Variants in PHF24 observed in about 807,000 individuals in gnomAD.
The protein encoded by PHF24 is Galpha inhibitory interacting protein.
A neutral mutation model predicts 42.6 loss-of-function variants in PHF24; 25 were observed. The ratio of observed to expected loss-of-function variants is 0.59; its 90% CI spans 0.43 to 0.82. PHF24 has a LOEUF of 0.82. Among genes scored for constraint, PHF24 ranks in the 40% least tolerant of loss-of-function variants. PHF24 has a pLI of 0.00. For synonymous variants in PHF24, 185 were observed against 204.8 expected (o/e 0.90, Z 0.83); for missense variants, 470 against 538.1 (o/e 0.87, Z 1.25).
chr9:34,723,938 C>T, the PHF24 span: 759,983 of 1,549,956 alleles, frequency 0.49, 193,176 homozygotes, highest in East Asian at 0.63. Flanking sequence ...ATGAAAGCTA[C>T]GGCTCCATCG....
the PHF24 span, among the ~76,000 whole-genome samples, chr9:34,735,133 C>CTTTTTTTTTTTTTTTTTTTT: frequency 8.9e-6 from 1 of 112,486 alleles, no homozygotes; most frequent in African/African-American, 3.2e-5. Flanking sequence ...TTTCTTTTTT[C>CTTTTTTTTTTTTTTTTTTTT]TTTTTTTTTT....
At chr9:34,789,484 C>T in the PHF24 span, among the ~76,000 whole-genome samples, 1 of 152,192 alleles carries the variant, frequency 6.6e-6, no homozygotes, top group Non-Finnish European at 1.5e-5. Context: ...GAGGGAGGAG[C>T]TACAGAAGCC....
At chr9:34,826,973 A>G in the PHF24 span, among the ~76,000 whole-genome samples, 1 of 152,200 alleles carries the variant, frequency 6.6e-6, no homozygotes, top group Non-Finnish European at 1.5e-5. Flanking sequence ...CACATAAGTC[A>G]TAGGCTATGA....
the PHF24 span, chr9:34,922,883 G>A: frequency 2.0e-5 from 32 of 1,565,110 alleles, no homozygotes; most frequent in Admixed American, 3.4e-5. Flanking sequence ...CAGCCTGCTC[G>A]GCCAGTTTGG....
the PHF24 span, among the ~76,000 whole-genome samples, chr9:34,678,718 C>T: frequency 6.6e-6 from 1 of 152,082 alleles, no homozygotes; most frequent in East Asian, 1.9e-4. Context: ...GCAACCTCCA[C>T]CTCCCGGGTT....
the PHF24 span, among the ~76,000 whole-genome samples, chr9:34,786,836 C>T: frequency 2.0e-5 from 3 of 152,154 alleles, no homozygotes; most frequent in Non-Finnish European, 2.9e-5. Flanking sequence ...CCGGTTGACT[C>T]GTTTTTTGGT....
chr9:34,672,015 AAT>A, the PHF24 span, among the ~76,000 whole-genome samples: 1 of 152,196 alleles, frequency 6.6e-6, no homozygotes, highest in Non-Finnish European at 1.5e-5. Flanking sequence ...CAGTTATGGT[AAT>A]AATTAACATT....
At chr9:34,881,077 A>C in the PHF24 span, among the ~76,000 whole-genome samples, 1 of 152,370 alleles carries the variant, frequency 6.6e-6, no homozygotes, top group Non-Finnish European at 1.5e-5. Flanking sequence ...ACTCAGCTAC[A>C]TGGAAACTGA....
At chr9:34,769,974 A>G in the PHF24 span, among the ~76,000 whole-genome samples, 1 of 152,198 alleles carries the variant, frequency 6.6e-6, no homozygotes, top group African/African-American at 2.4e-5. Context: ...TAGTAGAAGA[A>G]TACATGGAAT....
the PHF24 span, among the ~76,000 whole-genome samples, chr9:34,871,070 C>T: frequency 1.3e-5 from 2 of 152,196 alleles, no homozygotes; most frequent in South Asian, 2.1e-4. Context: ...CAGCAATGAA[C>T]GAGAGTGCCT....
the PHF24 span, among the ~76,000 whole-genome samples, chr9:34,941,624 C>G: frequency 6.6e-6 from 1 of 152,150 alleles, no homozygotes; most frequent in African/African-American, 2.4e-5. Flanking sequence ...TCTTACAGTT[C>G]TGGAGGCTGG....
chr9:34,729,898 G>A, the PHF24 span, among the ~76,000 whole-genome samples: 1 of 152,186 alleles, frequency 6.6e-6, no homozygotes, highest in Admixed American at 6.5e-5. Context: ...GCGGAGTCTG[G>A]TTATGGCTTG....
the PHF24 span, among the ~76,000 whole-genome samples, chr9:34,734,420 C>T: frequency 6.6e-6 from 1 of 152,076 alleles, no homozygotes; most frequent in Admixed American, 6.6e-5. Flanking sequence ...GTGTGAGAGT[C>T]CTGAAAAAAT....
At chr9:34,835,269 A>G in the PHF24 span, 327 of 1,534,642 alleles carry the variant, frequency 2.1e-4, no homozygotes, top group African/African-American at 4.2e-3. Context: ...GAGACCTGAG[A>G]AGTATTATTC....
chr9:34,726,462 A>G, the PHF24 span: 18 of 1,551,546 alleles, frequency 1.2e-5, no homozygotes, highest in Non-Finnish European at 1.5e-5. Flanking sequence ...AGGGACAGCA[A>G]GGAGACCTGG....
At chr9:34,726,260 A>G in the PHF24 span, 8 of 1,524,914 alleles carry the variant, frequency 5.2e-6, no homozygotes, top group South Asian at 9.6e-5. Context: ...TTGGTAATAC[A>G]ATGGTGGGTT....
the PHF24 span, among the ~76,000 whole-genome samples, chr9:34,829,582 G>A: frequency 6.6e-6 from 1 of 152,228 alleles, no homozygotes; most frequent in South Asian, 2.1e-4. Context: ...TCCTCCTGTG[G>A]CACAACCTCA....
chr9:34,837,840 A>C, the PHF24 span: 1 of 641,586 alleles, frequency 1.6e-6, no homozygotes, highest in Non-Finnish European at 2.8e-6. Flanking sequence ...TTCTTTGCCT[A>C]TTCCACCTTT....
At chr9:34,924,397 A>T in the PHF24 span, among the ~76,000 whole-genome samples, 2 of 152,148 alleles carry the variant, frequency 1.3e-5, no homozygotes, top group Non-Finnish European at 2.9e-5. Flanking sequence ...CTATTATTGT[A>T]TAAGGGTCTA....
Sources: allele counts gnomAD v4.1 joint callset (sites outside exome capture counted in the v4.1 genomes callset), GRCh38; gene constraint gnomAD v4.1.1; transcripts MANE v1.5; gene names NCBI Gene and HGNC (gene_info 2026-07-23, HGNC 2026-07-21).